Variants in CENPW observed in about 807,000 individuals in gnomAD.
The protein encoded by CENPW is centromere protein W.
Under a neutral mutation model 11.1 loss-of-function variants are expected in CENPW, and 3 were observed. The observed-to-expected ratio is 0.27, with a 90% confidence interval of 0.12 to 0.70. CENPW has a LOEUF of 0.70. Among genes scored for constraint, CENPW ranks in the 30% least tolerant of loss-of-function variants. CENPW has a pLI of 0.77. For synonymous variants in CENPW, 38 were observed against 42.0 expected (o/e 0.91, Z 0.37); for missense variants, 100 against 105.6 (o/e 0.95, Z 0.23).
At chr6:126,454,918 A>C in the CENPW span, among the ~76,000 whole-genome samples, 1 of 151,368 alleles carries the variant, frequency 6.6e-6, no homozygotes, top group African/African-American at 2.4e-5. Flanking sequence ...AATAAAAAAA[A>C]CCCCTCAAAA....
chr6:126,441,518 A>T, the CENPW span, among the ~76,000 whole-genome samples: 1 of 151,422 alleles, frequency 6.6e-6, no homozygotes, highest in African/African-American at 2.4e-5. Flanking sequence ...TACATGAATA[A>T]GTTTAGTGGT....
At chr6:126,459,838 C>T in the CENPW span, among the ~76,000 whole-genome samples, 2 of 151,322 alleles carry the variant, frequency 1.3e-5, no homozygotes, top group African/African-American at 2.4e-5. Context: ...TCTTGTAATT[C>T]GGGGACAAAC....
At chr6:126,447,783 T>A in the CENPW span, among the ~76,000 whole-genome samples, 1 of 151,180 alleles carries the variant, frequency 6.6e-6, no homozygotes, top group Non-Finnish European at 1.5e-5. Context: ...CTGCTCCCTC[T>A]ATCTACCACT....
chr6:126,368,296 C>A, the CENPW span, among the ~76,000 whole-genome samples: 1 of 152,148 alleles, frequency 6.6e-6, no homozygotes, highest in Non-Finnish European at 1.5e-5. Flanking sequence ...CCACCATTAG[C>A]TGCATTGGAG....
the CENPW span, among the ~76,000 whole-genome samples, chr6:126,426,848 G>T: frequency 6.6e-6 from 1 of 152,144 alleles, no homozygotes; most frequent in African/African-American, 2.4e-5. Flanking sequence ...AACAGATGAG[G>T]CATGTACCAG....
chr6:126,393,938 C>T, the CENPW span, among the ~76,000 whole-genome samples: 8 of 151,752 alleles, frequency 5.3e-5, no homozygotes, highest in African/African-American at 1.9e-4. Flanking sequence ...GTCTGCTATA[C>T]ATACAGCTAC....
chr6:126,456,452 G>T, the CENPW span, among the ~76,000 whole-genome samples: 1 of 151,486 alleles, frequency 6.6e-6, no homozygotes, highest in Non-Finnish European at 1.5e-5. Flanking sequence ...AAACAATGAG[G>T]AAACAATTCC....
the CENPW span, among the ~76,000 whole-genome samples, chr6:126,463,614 AAGAG>A: frequency 6.6e-6 from 1 of 152,022 alleles, no homozygotes; most frequent in African/African-American, 2.4e-5. Flanking sequence ...TATCACGAAA[AAGAG>A]AGATTATATC....
the CENPW span, among the ~76,000 whole-genome samples, chr6:126,468,616 A>G: frequency 6.6e-6 from 1 of 151,932 alleles, no homozygotes; most frequent in South Asian, 2.1e-4. Context: ...TAATGTAAAG[A>G]TATTAATAAT....
At chr6:126,350,672 G>A (rs926432324), downstream of CENPW, among the ~76,000 whole-genome samples, 1 of 152,080 alleles carries the variant, frequency 6.6e-6, no homozygotes, top group African/African-American at 2.4e-5. Context: ...TGAGATATAA[G>A]GGAAAGAATA....
At chr6:126,422,562 G>A in the CENPW span, among the ~76,000 whole-genome samples, 1 of 152,008 alleles carries the variant, frequency 6.6e-6, no homozygotes, top group African/African-American at 2.4e-5. Context: ...TATGATGACA[G>A]GACTTTAACA....
chr6:126,392,842 T>C, the CENPW span, among the ~76,000 whole-genome samples: 1 of 151,980 alleles, frequency 6.6e-6, no homozygotes, highest in Non-Finnish European at 1.5e-5. Context: ...GCTCTTTCTC[T>C]ATTTCTCAGA....
the CENPW span, among the ~76,000 whole-genome samples, chr6:126,391,950 T>G: frequency 2.0e-4 from 30 of 151,994 alleles, no homozygotes; most frequent in African/African-American, 6.7e-4. Context: ...CTTTGACTAT[T>G]CTAGGTCTTT....
At chr6:126,379,778 T>C in the CENPW span, among the ~76,000 whole-genome samples, 11 of 152,194 alleles carry the variant, frequency 7.2e-5, no homozygotes, top group Admixed American at 7.2e-4. Flanking sequence ...CGAGTATGTG[T>C]GATTATTCTG....
At chr6:126,391,268 CT>C in the CENPW span, among the ~76,000 whole-genome samples, 1 of 151,876 alleles carries the variant, frequency 6.6e-6, no homozygotes, top group East Asian at 1.9e-4. Context: ...ATTTGTATGT[CT>C]TTTGAAAATA....
chr6:126,370,840 C>A, the CENPW span, among the ~76,000 whole-genome samples: 9 of 151,918 alleles, frequency 5.9e-5, no homozygotes, highest in African/African-American at 2.2e-4. Context: ...ACAACCTCCG[C>A]CTCCCAGGTT....
At chr6:126,412,064 C>CTCCCTCCTTCCTTCCTTCCTCCA in the CENPW span, among the ~76,000 whole-genome samples, 1 of 138,584 alleles carries the variant, frequency 7.2e-6, no homozygotes, top group Non-Finnish European at 1.6e-5. Flanking sequence ...CCCTCCCTCC[C>CTCCCTCCTTCCTTCCTTCCTCCA]TCCCTCCTTT....
chr6:126,368,027 T>C, the CENPW span, among the ~76,000 whole-genome samples: 2 of 152,122 alleles, frequency 1.3e-5, no homozygotes, highest in African/African-American at 4.8e-5. Context: ...TTAGGTAAAA[T>C]GGGGAAGTGG....
chr6:126,379,271 G>A, the CENPW span, among the ~76,000 whole-genome samples: 73 of 152,128 alleles, frequency 4.8e-4, no homozygotes, highest in Non-Finnish European at 8.5e-4. Flanking sequence ...CGTAATCCCA[G>A]GAAATAATTG....
Sources: allele counts gnomAD v4.1 joint callset (sites outside exome capture counted in the v4.1 genomes callset), GRCh38; gene constraint gnomAD v4.1.1; transcripts MANE v1.5; gene names NCBI Gene and HGNC (gene_info 2026-07-23, HGNC 2026-07-21).